RGS22: variants seen among roughly 807,000 people sequenced by gnomAD.
The protein encoded by RGS22 is regulator of G-protein signaling 22.
A neutral mutation model predicts 172.9 loss-of-function variants in RGS22; 148 were observed. The ratio of observed to expected loss-of-function variants is 0.86; its 90% CI spans 0.75 to 0.98. The LOEUF (loss-of-function observed/expected upper bound fraction) is 0.98. Among genes scored for constraint, RGS22 ranks in the 50% least tolerant of loss-of-function variants. RGS22 has a pLI of 0.00. For missense variants in RGS22, 1,347 were observed against 1,440.8 expected, an observed-to-expected ratio of 0.93 and a Z score of 1.05; for synonymous variants, 458 against 480.2, an observed-to-expected ratio of 0.95 and a Z score of 0.60.
At chr8:100,009,829 T>A (rs1462437573) in intron 14 of RGS22, among the ~76,000 whole-genome samples, 3 of 152,186 alleles carry the variant, frequency 2.0e-5, no homozygotes, top group Non-Finnish European at 4.4e-5. Flanking sequence ...TACTGAGTAC[T>A]CCATCTACTG....
At chr8:100,041,429 G>A (rs898843622) in intron 12 of RGS22, among the ~76,000 whole-genome samples, 1 of 151,480 alleles carries the variant, frequency 6.6e-6, no homozygotes, top group African/African-American at 2.4e-5. Context: ...GGTGGAGGTT[G>A]CAGTGAGCCA....
chr8:99,968,285 C>T (rs1033624964), intron 23 of RGS22, among the ~76,000 whole-genome samples: 2 of 152,118 alleles, frequency 1.3e-5, no homozygotes, highest in Non-Finnish European at 2.9e-5. Flanking sequence ...AAAACCAGCA[C>T]AAAAAGGCTG....
At chr8:100,039,821 C>G in intron 13 of RGS22, 141 bp downstream of exon 13, 1 of 454,966 alleles carries the variant, frequency 2.2e-6, no homozygotes, top group Non-Finnish European at 3.6e-6. Context: ...TAAATATTTA[C>G]TAAATATTAA....
At chr8:100,091,971 T>C (rs1252020164) in intron 3 of RGS22, 1 of 152,194 alleles carries the variant, frequency 6.6e-6, no homozygotes, top group Admixed American at 6.5e-5. Flanking sequence ...ATTTCCATAA[T>C]GGGTCCAGAG....
At chr8:100,030,804 G>C (rs543840165) in intron 14 of RGS22, among the ~76,000 whole-genome samples, 1 of 152,156 alleles carries the variant, frequency 6.6e-6, no homozygotes, top group East Asian at 1.9e-4. Flanking sequence ...TAGTCTTCAG[G>C]AATTAAACTG....
intron 14 of RGS22, among the ~76,000 whole-genome samples, chr8:100,026,555 CT>C (rs1818197967): frequency 6.6e-6 from 1 of 152,202 alleles, no homozygotes; most frequent in African/African-American, 2.4e-5. Context: ...CATGAAGTGA[CT>C]TCTTCATAGA....
intron 14 of RGS22, 191 bp downstream of exon 14, chr8:100,038,740 T>TA (rs1169025578): frequency 1.2e-5 from 5 of 401,912 alleles, no homozygotes; most frequent in Non-Finnish European, 2.2e-5. Flanking sequence ...ATAAAAGACA[T>TA]AAAACTGAAA....
At chr8:99,998,459 A>G (rs1814628368) in intron 19 of RGS22, among the ~76,000 whole-genome samples, 1 of 152,176 alleles carries the variant, frequency 6.6e-6, no homozygotes, top group African/African-American at 2.4e-5. Context: ...TAGTCCTAGC[A>G]ACTCAGAGGC....
intron 14 of RGS22, among the ~76,000 whole-genome samples, chr8:100,011,154 T>C (rs1816342159): frequency 6.6e-6 from 1 of 152,154 alleles, no homozygotes; most frequent in Admixed American, 6.5e-5. Flanking sequence ...GAGAAGATAC[T>C]TTAAAGGGAG....
At chr8:100,013,511 C>G (rs558715387) in intron 14 of RGS22, among the ~76,000 whole-genome samples, 2 of 152,168 alleles carry the variant, frequency 1.3e-5, no homozygotes, top group African/African-American at 4.8e-5. Flanking sequence ...TTTAGATAGT[C>G]TACTACTATA....
chr8:100,089,211 A>C (rs1039660574), intron 3 of RGS22, among the ~76,000 whole-genome samples: 10 of 144,530 alleles, frequency 6.9e-5, no homozygotes, highest in African/African-American at 2.3e-4. Context: ...CACACACACA[A>C]ACACACACAC....
intron 14 of RGS22, among the ~76,000 whole-genome samples, chr8:100,021,501 T>C (rs1817598366): frequency 6.6e-6 from 1 of 152,154 alleles, no homozygotes; most frequent in Non-Finnish European, 1.5e-5. Context: ...AAGGAACATA[T>C]TTGAAGAGGA....
intron 6 of RGS22, among the ~76,000 whole-genome samples, chr8:100,069,845 T>C (rs1258556350): frequency 2.0e-5 from 3 of 151,886 alleles, no homozygotes; most frequent in Non-Finnish European, 4.4e-5. Flanking sequence ...CTGACCAACA[T>C]GGTGAAACCC....
chr8:100,020,007 C>T (rs775136702), intron 14 of RGS22, among the ~76,000 whole-genome samples: 10 of 151,710 alleles, frequency 6.6e-5, no homozygotes, highest in Non-Finnish European at 1.2e-4. Context: ...GCCTCAGCCT[C>T]CTGAGTAGCT....
At position 100,023,286 on chromosome 8, in the gene RGS22, C is replaced by A. The variant is rs148561536; in HGVS notation, c.2167-14717G>T. Among the ~76,000 whole-genome samples, 293 of 152,314 alleles carry A rather than the reference C, an allele frequency of 1.9e-3. 3 individuals carry two copies. Among genetic ancestry groups the A allele is most frequent in the Middle Eastern group, 6.8e-3 (2 of 294 alleles). On this transcript the variant is annotated intron_variant, in intron 14 of 27. Coordinates refer to ENST00000360863, the MANE Select transcript of RGS22 (RefSeq NM_015668.5). Reference sequence around the variant, plus strand: ...CTATGAATATTCTCTCCATCAAAATCTTTCAGGCTGACTAGATACAAGGAG... The same window carrying A: ...CTATGAATATTCTCTCCATCAAAATATTTCAGGCTGACTAGATACAAGGAG...
intron 14 of RGS22, among the ~76,000 whole-genome samples, chr8:100,022,371 T>G (rs1362778786): frequency 6.6e-6 from 1 of 152,116 alleles, no homozygotes; most frequent in Non-Finnish European, 1.5e-5. Flanking sequence ...TTTGAATCAT[T>G]TGGGACAGAG....
At chr8:100,082,648 A>G (rs1410601357) in intron 3 of RGS22, among the ~76,000 whole-genome samples, 2 of 152,222 alleles carry the variant, frequency 1.3e-5, no homozygotes, top group Non-Finnish European at 2.9e-5. Context: ...AAAGTGCTAG[A>G]CAATCAGGGT....
In RGS22 at chr8:100,080,235, G is replaced by T. The variant is rs1411691558; in HGVS notation, c.238C>A (p.Pro80Thr). The T allele has an allele frequency of 6.2e-7, 1 of 1,613,542 alleles. No individual in the cohort carries two copies. The highest frequency in any genetic ancestry group is 2.2e-5 in the East Asian group (1 of 44,858). The change falls in exon 4 of 28, where the codon CCC (proline) becomes ACC (threonine). Residue 80 changes from proline (P) to threonine (T), a missense_variant. By Grantham distance (38) the Pro-to-Thr change is conservative (BLOSUM62 -1). Transcript: ENST00000360863. ...CCTTTCCTTACAACATCATAAATGG[G>T]ATTTCGAGGTTGCTGGTTTTGTAGA... ...KILQNQQPRN[P>T]IYDVVRKGKN...
chr8:100,060,838 C>A (rs929829290), intron 9 of RGS22, among the ~76,000 whole-genome samples: 1 of 151,876 alleles, frequency 6.6e-6, no homozygotes, highest in African/African-American at 2.4e-5. Flanking sequence ...CATATGGAAC[C>A]AAAAAGAGCC....
Sources: allele counts gnomAD v4.1 joint callset (sites outside exome capture counted in the v4.1 genomes callset), GRCh38; gene constraint gnomAD v4.1.1; transcripts MANE v1.5; gene names NCBI Gene and HGNC (gene_info 2026-07-23, HGNC 2026-07-21).